ULK4: variants seen among roughly 807,000 people sequenced by gnomAD.
ULK4 encodes the protein inactive serine/threonine-protein kinase ULK4.
In ULK4, 133 loss-of-function variants were observed where a neutral mutation model predicts 160.6. That is an observed-to-expected ratio of 0.83 (90% CI 0.72 to 0.96). The LOEUF (loss-of-function observed/expected upper bound fraction) is 0.96. Among genes scored for constraint, ULK4 ranks in the 40% least tolerant of loss-of-function variants. The pLI is 0.00. For missense variants in ULK4, 1,580 were observed against 1,499.5 expected, an observed-to-expected ratio of 1.05 and a Z score of -0.89; for synonymous variants, 534 against 539.8, an observed-to-expected ratio of 0.99 and a Z score of 0.15.
At chr3:41,341,975 A>G (rs1044336191) in intron 35 of ULK4, among the ~76,000 whole-genome samples, 7 of 152,210 alleles carry the variant, frequency 4.6e-5, no homozygotes, top group African/African-American at 1.7e-4. Context: ...CTATATTAAA[A>G]GCCAATGCAG....
intron 35 of ULK4, among the ~76,000 whole-genome samples, chr3:41,377,590 A>C (rs1185137899): frequency 1.4e-5 from 2 of 146,626 alleles, no homozygotes; most frequent in African/African-American, 2.6e-5. Context: ...TCTCAAAAGA[A>C]GACATTTATG....
chr3:41,532,224 T>C (rs2086344247), intron 32 of ULK4, among the ~76,000 whole-genome samples: 2 of 152,244 alleles, frequency 1.3e-5, no homozygotes, highest in Admixed American at 6.5e-5. Flanking sequence ...ATTCCACTGA[T>C]ATGCCAGGTG....
chr3:41,582,378 G>A (rs530825240), intron 31 of ULK4, among the ~76,000 whole-genome samples: 8 of 152,196 alleles, frequency 5.3e-5, no homozygotes, highest in South Asian at 2.1e-4. Flanking sequence ...TAATACACTC[G>A]GTTAATAAGT....
intron 32 of ULK4, among the ~76,000 whole-genome samples, chr3:41,518,377 G>A (rs953379004): frequency 6.6e-6 from 1 of 152,048 alleles, no homozygotes; most frequent in Non-Finnish European, 1.5e-5. Flanking sequence ...AATTCTGCAG[G>A]CTTTAACAAT....
rs1209699546 is a variant in ULK4, at chr3:41,646,336, G to T, written c.3071+17271C>A. Among the ~76,000 whole-genome samples the T allele has an allele frequency of 2.6e-5, 4 of 152,310 alleles. No individual in the cohort carries two copies. The East Asian group carries it at 5.8e-4, about 22-fold the overall frequency. The stretch of plus-strand genomic sequence containing the variant: ...GATTTTGCAGCGACTGGTACTGGTT[G>T]TTCCTTTCCATGTTTAGTGCTTCCT... On this transcript the variant is annotated intron_variant, in intron 30 of 36. Transcript: ENST00000301831.
intron 17 of ULK4, among the ~76,000 whole-genome samples, chr3:41,878,403 A>G (rs1697389537): frequency 6.6e-6 from 1 of 152,206 alleles, no homozygotes; most frequent in South Asian, 2.1e-4. Flanking sequence ...GTTCTTAACA[A>G]TATAAAATCA....
intron 8 of ULK4, among the ~76,000 whole-genome samples, chr3:41,913,884 G>C (rs1157312655): frequency 6.6e-6 from 1 of 152,096 alleles, no homozygotes; most frequent in Non-Finnish European, 1.5e-5. Context: ...AATCTCTTGA[G>C]CCTGGGAGGG....
chr3:41,339,668 A>T (rs2080640584), intron 35 of ULK4, among the ~76,000 whole-genome samples: 1 of 152,152 alleles, frequency 6.6e-6, no homozygotes, highest in Admixed American at 6.5e-5. Flanking sequence ...GAACAAAACA[A>T]TCTCACCTGC....
At chr3:41,375,273 G>C (rs2081461400) in intron 35 of ULK4, among the ~76,000 whole-genome samples, 1 of 152,012 alleles carries the variant, frequency 6.6e-6, no homozygotes, top group Admixed American at 6.6e-5. Context: ...CAGAGAATAG[G>C]AAAAACTACT....
chr3:41,558,991 A>T (rs528395620), intron 32 of ULK4, among the ~76,000 whole-genome samples: 1 of 130,180 alleles, frequency 7.7e-6, no homozygotes, highest in Non-Finnish European at 1.8e-5. Context: ...TCATCATTTA[A>T]CATTAGGTGT....
At chr3:41,479,504 G>A (rs769621951) in intron 32 of ULK4, among the ~76,000 whole-genome samples, 1 of 152,208 alleles carries the variant, frequency 6.6e-6, no homozygotes, top group African/African-American at 2.4e-5. Context: ...TGTGGGGAAG[G>A]AGAGACTTGA....
chr3:41,436,977 A>C (rs982092422), intron 34 of ULK4, among the ~76,000 whole-genome samples: 94 of 152,236 alleles, frequency 6.2e-4, no homozygotes, highest in African/African-American at 2.1e-3. Context: ...CTGGAAGTGG[A>C]AAAGCAACAT....
intron 34 of ULK4, among the ~76,000 whole-genome samples, chr3:41,435,274 T>G (rs2125850703): frequency 6.6e-6 from 1 of 152,308 alleles, no homozygotes; most frequent in African/African-American, 2.4e-5. Context: ...GAATCTCACA[T>G]CTCAAGTCTT....
intron 34 of ULK4, among the ~76,000 whole-genome samples, chr3:41,449,662 TCCA>T (rs1160353980): frequency 6.6e-6 from 1 of 152,042 alleles, no homozygotes; most frequent in African/African-American, 2.4e-5. Flanking sequence ...CAAGTACAAG[TCCA>T]CCACCATTTG....
chr3:41,873,843 C>T (rs556772607), intron 17 of ULK4, among the ~76,000 whole-genome samples: 19 of 151,492 alleles, frequency 1.3e-4, no homozygotes, highest in Non-Finnish European at 2.5e-4. Flanking sequence ...CATGAGCCAC[C>T]GCACCCGCCC....
At chr3:41,689,697 C>T (rs1326319644) in intron 27 of ULK4, among the ~76,000 whole-genome samples, 2 of 152,188 alleles carry the variant, frequency 1.3e-5, no homozygotes, top group African/African-American at 2.4e-5. Context: ...AAAATGCTCA[C>T]CATCACTGGC....
rs556993859 is a variant in ULK4, at chr3:41,961,695, G to A, written c.-49+321C>T. Among the ~76,000 whole-genome samples the A allele has an allele frequency of 4.0e-3, 608 of 152,268 alleles. 3 individuals carry two copies. Among genetic ancestry groups the A allele is most frequent in the African/African-American group, 0.014 (576 of 41,538 alleles). Reference sequence around the variant, plus strand: ...CTGCAGGGCGGTGAAGACGCGGTCCGCTCTGGGAAGTTAAGAGATGGCGTC... The same window carrying A: ...CTGCAGGGCGGTGAAGACGCGGTCCACTCTGGGAAGTTAAGAGATGGCGTC... On this transcript the variant is annotated intron_variant, in intron 1 of 36. Transcript: ENST00000301831.
intron 16 of ULK4, among the ~76,000 whole-genome samples, chr3:41,891,335 C>T (rs115615163): frequency 0.014 from 646 of 46,842 alleles, 21 homozygotes; most frequent in African/African-American, 0.052. Context: ...CGGGACAAGA[C>T]GGGACTGGAG....
rs551264369 is a variant in ULK4 at position 41,287,682 on chromosome 3, T to TA, written c.3679-38109dup. ...TCAAATAGACACCTGATTTCCCAGC[T>TA]AGAGATTTGGGTCTCACGGAAGCTG... On this transcript the variant is annotated intron_variant, in intron 35 of 36. Transcript: ENST00000301831. Among the ~76,000 whole-genome samples the TA allele has an allele frequency of 1.6e-4, 25 of 152,280 alleles. No individual in the cohort carries two copies. In the South Asian group the frequency reaches 5.2e-3, roughly 32 times the overall value.
Sources: allele counts gnomAD v4.1 joint callset (sites outside exome capture counted in the v4.1 genomes callset), GRCh38; gene constraint gnomAD v4.1.1; transcripts MANE v1.5; gene names NCBI Gene and HGNC (gene_info 2026-07-23, HGNC 2026-07-21).